Variants in NAALADL2 observed in about 807,000 individuals in gnomAD.
The protein encoded by NAALADL2 is inactive N-acetylated-alpha-linked acidic dipeptidase-like protein 2.
NAALADL2 carries 76 observed loss-of-function variants against 87.2 expected under a neutral mutation model. The observed-to-expected ratio is 0.87, with a 90% CI of 0.72 to 1.05. The LOEUF (loss-of-function observed/expected upper bound fraction) is 1.05. NAALADL2 is among the 50% of genes least tolerant of loss of function. The probability of loss-of-function intolerance (pLI) is 0.00; values close to 1 mark genes in which losing one functional copy is unlikely to be tolerated. For missense variants in NAALADL2, 1,089 were observed against 945.8 expected, an observed-to-expected ratio of 1.15 and a Z score of -1.99; for synonymous variants, 354 against 331.0, an observed-to-expected ratio of 1.07 and a Z score of -0.75.
At chr3:175,697,805 ATATT>A (rs1481335705) in intron 11 of NAALADL2, among the ~76,000 whole-genome samples, 21 of 143,308 alleles carry the variant, frequency 1.5e-4, no homozygotes, top group South Asian at 2.2e-4. Context: ...ATATGTATAT[ATATT>A]TATGTATGTA....
At chr3:175,649,807 A>G (rs182322791) in intron 11 of NAALADL2, among the ~76,000 whole-genome samples, 130 of 152,260 alleles carry the variant, frequency 8.5e-4, no homozygotes, top group African/African-American at 2.7e-3. Context: ...TCAACATATG[A>G]ATTTTAGATT....
chr3:174,457,267 A>C (rs1392149315), intron 1 of NAALADL2, among the ~76,000 whole-genome samples: 3 of 152,228 alleles, frequency 2.0e-5, no homozygotes, highest in Non-Finnish European at 4.4e-5. Context: ...TGTGTAAATT[A>C]GTTCAACCAT....
chr3:175,759,873 A>T (rs1230910123), intron 13 of NAALADL2, among the ~76,000 whole-genome samples: 3 of 152,162 alleles, frequency 2.0e-5, no homozygotes. Flanking sequence ...CAAGTTGTGG[A>T]GTCCCTTAAA....
rs551711853 is a variant in NAALADL2 at position 175,222,994 on chromosome 3, A to G, written c.546-10937A>G. Among the ~76,000 whole-genome samples the G allele has an allele frequency of 2.1e-4, 32 of 152,136 alleles. 1 individual carries two copies. In the South Asian group the frequency reaches 6.0e-3, roughly 29 times the overall value. ...ATTGAAGTATAATTGACAAAATTGC[A>G]TGTATTTAGGGTACGCAACATAATG... On this transcript the variant is annotated intron_variant, in intron 2 of 13. Transcript: ENST00000454872.
At chr3:174,505,588 A>G (rs1263312503) in intron 1 of NAALADL2, among the ~76,000 whole-genome samples, 5 of 152,222 alleles carry the variant, frequency 3.3e-5, no homozygotes, top group African/African-American at 9.6e-5. Context: ...GGAGCTATAA[A>G]GTCATCATAA....
At chr3:175,781,048 T>C (rs1440436674) in intron 13 of NAALADL2, among the ~76,000 whole-genome samples, 1 of 152,220 alleles carries the variant, frequency 6.6e-6, no homozygotes, top group East Asian at 1.9e-4. Context: ...CTTTGAAATG[T>C]GTAATTTCAA....
chr3:175,493,029 T>C (rs930404084), intron 9 of NAALADL2, among the ~76,000 whole-genome samples: 3 of 152,082 alleles, frequency 2.0e-5, no homozygotes, highest in African/African-American at 7.2e-5. Flanking sequence ...TATGTTAATG[T>C]GCATAACTTA....
At chr3:174,896,522 A>G (rs1731555862) in intron 1 of NAALADL2, among the ~76,000 whole-genome samples, 1 of 152,158 alleles carries the variant, frequency 6.6e-6, no homozygotes, top group African/African-American at 2.4e-5. Flanking sequence ...AGAAGAGGAC[A>G]CCACAAAATG....
intron 11 of NAALADL2, among the ~76,000 whole-genome samples, chr3:175,630,024 C>T (rs190708192): frequency 3.6e-4 from 54 of 151,756 alleles, no homozygotes; most frequent in Admixed American, 6.6e-4. Flanking sequence ...GCAAGAGTTC[C>T]GTGAGGTTTT....
chr3:175,161,444 G>A (rs1238355106), intron 2 of NAALADL2, among the ~76,000 whole-genome samples: 3 of 152,158 alleles, frequency 2.0e-5, no homozygotes, highest in Non-Finnish European at 2.9e-5. Flanking sequence ...ATGCTGTAAA[G>A]CTATGCCATA....
intron 2 of NAALADL2, among the ~76,000 whole-genome samples, chr3:175,228,513 GAA>G (rs1233903663): frequency 7.1e-6 from 1 of 141,696 alleles, no homozygotes. Flanking sequence ...AATTCCCAAG[GAA>G]AAAAAAAAAG....
At chr3:175,313,597 T>A (rs1758662790) in intron 4 of NAALADL2, among the ~76,000 whole-genome samples, 1 of 152,176 alleles carries the variant, frequency 6.6e-6, no homozygotes, top group Non-Finnish European at 1.5e-5. Flanking sequence ...TTTAGGAGCA[T>A]CTGTGAATGG....
At chr3:175,498,970 T>G (rs6789138) in intron 9 of NAALADL2, among the ~76,000 whole-genome samples, 4,867 of 152,202 alleles carry the variant, frequency 0.032, 279 homozygotes, top group African/African-American at 0.11. Context: ...TATTTTCAGT[T>G]ATTATACTAC....
chr3:174,846,358 GTTGTT>G (rs1724613278), intron 3 of NAALADL2, among the ~76,000 whole-genome samples: 1 of 152,116 alleles, frequency 6.6e-6, no homozygotes, highest in Non-Finnish European at 1.5e-5. Flanking sequence ...TTGTTTATTT[GTTGTT>G]TTGTTTCCTT....
At chr3:175,213,379 A>C (rs1250009836) in intron 2 of NAALADL2, among the ~76,000 whole-genome samples, 1 of 152,096 alleles carries the variant, frequency 6.6e-6, no homozygotes, top group African/African-American at 2.4e-5. Context: ...TCCACTTCTT[A>C]TCTCTGGAGC....
In NAALADL2 at chr3:175,808,783, T is replaced by G. The variant is rs1318988549; in HGVS notation, c.*5580T>G. ...TTATTATGTTGCATTGAAGTTAATGTCGGTCTTTTGTTCTAATTAAAGTAC... is the reference window on the plus strand; with the variant it reads ...TTATTATGTTGCATTGAAGTTAATGGCGGTCTTTTGTTCTAATTAAAGTAC... On this transcript the variant is annotated 3_prime_UTR_variant, in exon 14 of 14. Coordinates refer to ENST00000454872, the MANE Select transcript of NAALADL2 (RefSeq NM_207015.3). 6.6e-6 allele frequency: 1 copy of G among 152,050 alleles called. No homozygotes were observed. The allele number at this position is 152,050 out of a possible 1,614,324, so 9.4% of individuals were successfully genotyped here. A position where few individuals can be genotyped will look rare whatever the true frequency, so the allele number is the denominator to read the frequency against.
rs1754568343 is a variant in NAALADL2 at position 175,804,906 on chromosome 3, A to G, written c.*1703A>G. The G allele has an allele frequency of 6.6e-6, 1 of 151,992 alleles. No homozygotes were observed. The highest frequency in any genetic ancestry group is 2.4e-5 in the African/African-American group (1 of 41,440). The allele number at this position is 151,992 out of a possible 1,614,324, so 9.4% of individuals were successfully genotyped here. On this transcript the variant is annotated 3_prime_UTR_variant, in exon 14 of 14. Transcript: ENST00000454872. ...GCCTGTGTGCACATATTTTTAGATG[A>G]AAAATGAAACTACCTTACAATATTA...
chr3:175,075,413 A>G (rs945449739), intron 1 of NAALADL2, among the ~76,000 whole-genome samples: 1 of 152,218 alleles, frequency 6.6e-6, no homozygotes, highest in Non-Finnish European at 1.5e-5. Flanking sequence ...AAAACATTTT[A>G]CATTCAGAGG....
chr3:175,241,135 A>T (rs571795489), intron 3 of NAALADL2, among the ~76,000 whole-genome samples: 3 of 152,088 alleles, frequency 2.0e-5, no homozygotes, highest in Non-Finnish European at 2.9e-5. Flanking sequence ...GTCCAGTGTG[A>T]CCTTCTGTTT....
Sources: gnomAD v4.1 joint callset for allele counts (sites outside exome capture counted in the v4.1 genomes callset) on GRCh38, gnomAD v4.1.1 for gene constraint, MANE v1.5 for transcripts, NCBI Gene and HGNC (gene_info 2026-07-23, HGNC 2026-07-21) for gene names.